The following NRCAM variants were observed in gnomAD, a reference collection of about 807,000 sequenced individuals.
The protein encoded by NRCAM is NgCAM-related cell adhesion molecule.
NRCAM carries 83 observed loss-of-function variants against 156.5 expected under a neutral mutation model. The ratio of observed to expected loss-of-function variants is 0.53; its 90% CI spans 0.44 to 0.64. NRCAM has a LOEUF of 0.64. NRCAM is among the 30% of genes least tolerant of loss of function. The probability of loss-of-function intolerance (pLI) is 0.00; values close to 1 mark genes in which losing one functional copy is unlikely to be tolerated. For synonymous variants in NRCAM, 538 were observed against 563.9 expected (o/e 0.95, Z 0.65); for missense variants, 1,417 against 1,597.3 (o/e 0.89, Z 1.92).
intron 2 of NRCAM, among the ~76,000 whole-genome samples, chr7:108,330,273 C>T (rs2099113346): frequency 2.6e-5 from 4 of 152,292 alleles, no homozygotes; most frequent in Non-Finnish European, 5.9e-5. Context: ...AAGGCTCACA[C>T]ACCAACTTGA....
chr7:108,443,302 A>G (rs1479583013), intron 1 of NRCAM, among the ~76,000 whole-genome samples: 2 of 152,240 alleles, frequency 1.3e-5, no homozygotes, highest in Non-Finnish European at 2.9e-5. Flanking sequence ...AATGAAGAAC[A>G]GACATTCACA....
At chr7:108,409,728 A>G (rs1792985379) in intron 1 of NRCAM, among the ~76,000 whole-genome samples, 1 of 152,198 alleles carries the variant, frequency 6.6e-6, no homozygotes, top group Admixed American at 6.5e-5. Context: ...AGTAGTGAAA[A>G]ATTAAAATTT....
chr7:108,205,649 A>C (rs1403083968), intron 13 of NRCAM, among the ~76,000 whole-genome samples: 1 of 152,188 alleles, frequency 6.6e-6, no homozygotes, highest in Non-Finnish European at 1.5e-5. Flanking sequence ...ATGGACACAA[A>C]AACTCTGAGC....
intron 5 of NRCAM, 88 bp from the exon 6 acceptor site, chr7:108,234,776 CT>C: frequency 2.2e-6 from 2 of 898,888 alleles, no homozygotes; most frequent in East Asian, 2.4e-5. Context: ...AATCACTTAC[CT>C]TAGACTAAAT....
rs1293944237 is a variant in NRCAM, at chr7:108,456,316, T to C, written c.-405A>G. The stretch of plus-strand genomic sequence containing the variant: ...CCTGGACCGCCGGTGTCCTCCGTTC[T>C]CGACGAAGCTATCCCCTCTGGCTGC... On this transcript the variant is annotated 5_prime_UTR_variant, in exon 1 of 33. Coordinates refer to ENST00000379028, the MANE Select transcript of NRCAM (RefSeq NM_001037132.4). 3.9e-5 allele frequency: 6 copies of C among 151,922 alleles called. No individual in the cohort carries two copies. Among genetic ancestry groups the C allele is most frequent in the Non-Finnish European group, 8.8e-5 (6 of 68,048 alleles). The allele number at this position is 151,922 out of a possible 1,614,324, so 9.4% of individuals were successfully genotyped here. A position where few individuals can be genotyped will look rare whatever the true frequency, so the allele number is the denominator to read the frequency against.
intron 10 of NRCAM, 152 bp from the exon 11 acceptor site, chr7:108,223,988 T>G (rs138829283): frequency 1.8e-6 from 1 of 547,776 alleles, no homozygotes; most frequent in Non-Finnish European, 3.2e-6. Flanking sequence ...ACATACACAC[T>G]CTCTGCGTTA....
intron 3 of NRCAM, among the ~76,000 whole-genome samples, chr7:108,289,760 A>G (rs144590417): frequency 2.6e-5 from 4 of 152,146 alleles, no homozygotes; most frequent in African/African-American, 9.7e-5. Flanking sequence ...GGTTCTGAAC[A>G]TGAGGTCTCC....
chr7:108,367,538 A>C (rs1016259570), intron 2 of NRCAM, among the ~76,000 whole-genome samples: 3 of 152,132 alleles, frequency 2.0e-5, no homozygotes, highest in Non-Finnish European at 4.4e-5. Context: ...TTCATACAGG[A>C]ACTCTGTAGG....
At chr7:108,235,273 G>A (rs1160070302) in intron 5 of NRCAM, among the ~76,000 whole-genome samples, 3 of 152,100 alleles carry the variant, frequency 2.0e-5, no homozygotes, top group Non-Finnish European at 4.4e-5. Flanking sequence ...TGGAATTGAG[G>A]AAGTTCTCTG....
intron 2 of NRCAM, among the ~76,000 whole-genome samples, chr7:108,365,830 T>G (rs549530568): frequency 1.8e-4 from 28 of 151,598 alleles, no homozygotes; most frequent in Admixed American, 1.1e-3. Context: ...GGGATTTTTT[T>G]GGGGCCCCAA....
intron 2 of NRCAM, among the ~76,000 whole-genome samples, chr7:108,342,971 CA>C (rs2099310130): frequency 6.6e-6 from 1 of 152,176 alleles, no homozygotes; most frequent in Admixed American, 6.5e-5. Flanking sequence ...ACATTTCTTC[CA>C]GGCAATGAAG....
chr7:108,447,350 C>A (rs1190146943), intron 1 of NRCAM, among the ~76,000 whole-genome samples: 1 of 145,766 alleles, frequency 6.9e-6, no homozygotes, highest in Non-Finnish European at 1.5e-5. Context: ...ACTGAAACCT[C>A]TGCCTCCTGG....
chr7:108,280,725 T>C (rs1386717777), intron 3 of NRCAM, among the ~76,000 whole-genome samples: 1 of 152,228 alleles, frequency 6.6e-6, no homozygotes, highest in Non-Finnish European at 1.5e-5. Flanking sequence ...ATAAAGGATC[T>C]GGCAACACAG....
At chr7:108,401,858 TC>T (rs887389073) in intron 1 of NRCAM, among the ~76,000 whole-genome samples, 6 of 152,190 alleles carry the variant, frequency 3.9e-5, no homozygotes, top group Admixed American at 2.6e-4. Flanking sequence ...ATCTTTTTTG[TC>T]TCAATGCATC....
chr7:108,299,132 A>AAGAAAGAC (rs1554480094), intron 3 of NRCAM, among the ~76,000 whole-genome samples: 1,115 of 110,078 alleles, frequency 0.01, 41 homozygotes, highest in Non-Finnish European at 0.017. Flanking sequence ...GAAAGAAAGA[A>AAGAAAGAC]AGAAAGAAAA....
chr7:108,226,728 A>T (rs193188326), intron 8 of NRCAM, among the ~76,000 whole-genome samples: 1 of 152,240 alleles, frequency 6.6e-6, no homozygotes, highest in Non-Finnish European at 1.5e-5. Context: ...TTAAGTACAC[A>T]TACACATATA....
chr7:108,255,374 G>A (rs2096585059), intron 3 of NRCAM, among the ~76,000 whole-genome samples: 1 of 152,194 alleles, frequency 6.6e-6, no homozygotes, highest in Non-Finnish European at 1.5e-5. Flanking sequence ...CGCCGTGTTG[G>A]CTGGGCTGGT....
At position 108,184,150 on chromosome 7, in the gene NRCAM, TG is replaced by T. The variant is rs1190178773; in HGVS notation, c.2304+90del. ...TATATTTTTTTTCCCCAGAAATAGG[TG>T]AAATGAGATTCTAATGTAGATATTA... On this transcript the variant is annotated intron_variant, in intron 22 of 32. Transcript: ENST00000379028. 1.5e-5 allele frequency: 13 copies of T among 847,230 alleles called. No homozygotes were observed. In the East Asian group the frequency reaches 3.4e-4, roughly 22 times the overall value. 52.5% of individuals were successfully genotyped at this position (847,230 alleles called of 1,614,324 possible).
intron 26 of NRCAM, 72 bp downstream of exon 26, chr7:108,177,918 A>G (rs2061564732): frequency 7.0e-7 from 1 of 1,423,386 alleles, no homozygotes; most frequent in Non-Finnish European, 9.5e-7. Flanking sequence ...AGGAGGTATA[A>G]TTATTTGTCA....
Sources: gnomAD v4.1 joint callset for allele counts (sites outside exome capture counted in the v4.1 genomes callset) on GRCh38, gnomAD v4.1.1 for gene constraint, MANE v1.5 for transcripts, NCBI Gene and HGNC (gene_info 2026-07-23, HGNC 2026-07-21) for gene names.